The following OPCML variants were observed in gnomAD, a reference collection of about 807,000 sequenced individuals.
The protein encoded by OPCML is opioid-binding protein/cell adhesion molecule.
OPCML carries 13 observed loss-of-function variants against 37.8 expected under a neutral mutation model. That is an observed-to-expected ratio of 0.34 (90% CI 0.22 to 0.55). The LOEUF (loss-of-function observed/expected upper bound fraction) is 0.55. Ranked by LOEUF, OPCML falls within the 20% of genes least tolerant of loss-of-function variation. The pLI is 0.91. For synonymous variants in OPCML, 176 were observed against 168.8 expected (o/e 1.04, Z -0.33); for missense variants, 341 against 435.6 (o/e 0.78, Z 1.93).
intron 4 of OPCML, among the ~76,000 whole-genome samples, chr11:132,487,737 A>G (rs1447971068): frequency 6.6e-6 from 1 of 152,190 alleles, no homozygotes; most frequent in African/African-American, 2.4e-5. Context: ...AAGATATCTC[A>G]GCAAGCTTGT....
intron 2 of OPCML, among the ~76,000 whole-genome samples, chr11:132,737,171 G>T (rs1448222702): frequency 6.6e-6 from 1 of 152,170 alleles, no homozygotes; most frequent in Non-Finnish European, 1.5e-5. Context: ...ACAGGTTAGT[G>T]GTTTGCAAGG....
chr11:132,660,382 TC>T (rs1441596998), intron 2 of OPCML, among the ~76,000 whole-genome samples: 1 of 152,192 alleles, frequency 6.6e-6, no homozygotes, highest in African/African-American at 2.4e-5. Flanking sequence ...AGCTGACAAA[TC>T]AATTAATTCC....
chr11:132,641,926 G>A (rs907710620), intron 3 of OPCML, among the ~76,000 whole-genome samples: 11 of 152,198 alleles, frequency 7.2e-5, no homozygotes, highest in Non-Finnish European at 1.5e-4. Context: ...TCGGCAGGGT[G>A]TTTGAAAGGA....
intron 2 of OPCML, among the ~76,000 whole-genome samples, chr11:132,774,780 C>T (rs1384242362): frequency 6.6e-6 from 1 of 152,202 alleles, no homozygotes; most frequent in Non-Finnish European, 1.5e-5. Context: ...TTCTGTGCCT[C>T]CAGGACTGGG....
intron 3 of OPCML, among the ~76,000 whole-genome samples, chr11:132,593,846 G>T (rs1028656162): frequency 2.0e-5 from 3 of 152,122 alleles, no homozygotes; most frequent in African/African-American, 4.8e-5. Flanking sequence ...CTAGGAGAAA[G>T]AATTATTTAA....
chr11:132,958,824 T>TA (rs35033535), intron 1 of OPCML, among the ~76,000 whole-genome samples: 93,872 of 151,996 alleles, frequency 0.62, 29,314 homozygotes, highest in East Asian at 0.82. Flanking sequence ...GAAAAAAAGA[T>TA]ACCTTTCCAA....
chr11:132,666,986 C>T (rs1007644194), intron 2 of OPCML, among the ~76,000 whole-genome samples: 10 of 152,206 alleles, frequency 6.6e-5, no homozygotes, highest in South Asian at 4.1e-4. Flanking sequence ...AGAGTACAGT[C>T]ACATGATGAA....
chr11:132,963,318 A>G (rs11223301), intron 1 of OPCML, among the ~76,000 whole-genome samples: 15,043 of 151,912 alleles, frequency 0.099, 943 homozygotes, highest in African/African-American at 0.16. Flanking sequence ...TGGGCTGGGC[A>G]CGGTGGCTCA....
At chr11:132,804,769 T>C (rs1446674459) in intron 2 of OPCML, among the ~76,000 whole-genome samples, 1 of 152,172 alleles carries the variant, frequency 6.6e-6, no homozygotes, top group Non-Finnish European at 1.5e-5. Flanking sequence ...CAGCCAGTAA[T>C]TGAGCTGCTT....
In OPCML at chr11:133,344,513, G is replaced by A. The variant is rs151224745; in HGVS notation, c.61+187751C>T. ...AGACACTCCTTCCCTCCCATCTTAC[G>A]GCATCACACCCTTGCTTCCCCTGTG... On this transcript the variant is annotated intron_variant, in intron 1 of 7. Transcript: ENST00000524381. Among the ~76,000 whole-genome samples, 197 of 152,062 alleles carry A rather than the reference G, an allele frequency of 1.3e-3. 1 individual carries two copies. Among genetic ancestry groups the A allele is most frequent in the Non-Finnish European group, 2.1e-3 (145 of 67,978 alleles).
At chr11:132,507,154 A>C (rs547469459) in intron 4 of OPCML, among the ~76,000 whole-genome samples, 1 of 152,114 alleles carries the variant, frequency 6.6e-6, no homozygotes, top group South Asian at 2.1e-4. Flanking sequence ...ATTCATATTA[A>C]AGCTCTAATT....
At chr11:132,519,518 A>G (rs1050208690) in intron 4 of OPCML, among the ~76,000 whole-genome samples, 1 of 152,106 alleles carries the variant, frequency 6.6e-6, no homozygotes, top group Non-Finnish European at 1.5e-5. Flanking sequence ...TAGTTTTAAT[A>G]TTGTTAAGTT....
At chr11:133,028,718 A>G (rs1037489833) in intron 1 of OPCML, among the ~76,000 whole-genome samples, 16 of 152,184 alleles carry the variant, frequency 1.1e-4, no homozygotes, top group African/African-American at 3.9e-4. Flanking sequence ...CTTAAGATGG[A>G]TTAAAGACTT....
At chr11:133,502,787 G>A (rs1947944435) in intron 1 of OPCML, among the ~76,000 whole-genome samples, 1 of 152,154 alleles carries the variant, frequency 6.6e-6, no homozygotes, top group Non-Finnish European at 1.5e-5. Flanking sequence ...CGTTGCCTAT[G>A]TTTAAATGTG....
At chr11:132,490,910 TC>T (rs1431974816) in intron 4 of OPCML, among the ~76,000 whole-genome samples, 2 of 152,054 alleles carry the variant, frequency 1.3e-5, no homozygotes, top group East Asian at 1.9e-4. Flanking sequence ...ATTCTCACTT[TC>T]CCCCTACAAA....
At chr11:133,382,699 G>T (rs1944957121) in intron 1 of OPCML, among the ~76,000 whole-genome samples, 1 of 152,124 alleles carries the variant, frequency 6.6e-6, no homozygotes, top group Non-Finnish European at 1.5e-5. Context: ...CAGTCTTTAA[G>T]GGAACATTGA....
intron 2 of OPCML, among the ~76,000 whole-genome samples, chr11:132,810,434 G>T (rs1010613953): frequency 6.6e-6 from 1 of 152,256 alleles, no homozygotes; most frequent in Middle Eastern, 3.4e-3. Flanking sequence ...GGCAGGGCAC[G>T]GTGGCTCACG....
intron 1 of OPCML, among the ~76,000 whole-genome samples, chr11:132,970,710 T>C (rs1012482335): frequency 1.3e-5 from 2 of 152,200 alleles, no homozygotes; most frequent in Admixed American, 6.5e-5. Flanking sequence ...TTGGCCTATG[T>C]TGCTTCTCCT....
chr11:132,831,267 CCAAA>C (rs1940667675), intron 2 of OPCML, among the ~76,000 whole-genome samples: 1 of 152,000 alleles, frequency 6.6e-6, no homozygotes, highest in Non-Finnish European at 1.5e-5. Flanking sequence ...AGTCCAAACT[CCAAA>C]CAACAAATTT....
Sources: gnomAD v4.1 joint callset for allele counts (sites outside exome capture counted in the v4.1 genomes callset) on GRCh38, gnomAD v4.1.1 for gene constraint, MANE v1.5 for transcripts, NCBI Gene and HGNC (gene_info 2026-07-23, HGNC 2026-07-21) for gene names.